Variants in ILDR1 observed in about 807,000 individuals in gnomAD.
ILDR1 encodes immunoglobulin like domain containing receptor 1, also known as immunoglobulin-like domain-containing receptor 1.
In ILDR1, 56 loss-of-function variants were observed where a neutral mutation model predicts 62.4. That is an observed-to-expected ratio of 0.90 (90% confidence interval 0.72 to 1.12). The LOEUF (loss-of-function observed/expected upper bound fraction) is 1.12, where lower values mean the gene tolerates loss of function less well. Ranked by LOEUF, ILDR1 falls within the 50% of genes most tolerant of loss-of-function variation. The probability of loss-of-function intolerance (pLI) is 0.00; values close to 1 mark genes in which losing one functional copy is unlikely to be tolerated. For missense variants in ILDR1, 736 were observed against 710.6 expected (o/e 1.04, Z -0.41); for synonymous variants, 284 against 277.8 (o/e 1.02, Z -0.22).
intron 2 of ILDR1, among the ~76,000 whole-genome samples, chr3:122,005,822 C>G (rs1468253926): frequency 1.3e-5 from 2 of 152,028 alleles, no homozygotes; most frequent in African/African-American, 2.4e-5. Context: ...TCACTTGAAC[C>G]CAGGAGGCAG....
chr3:122,029,310 C>T, the ILDR1 span, among the ~76,000 whole-genome samples: 7,453 of 151,922 alleles, frequency 0.049, 416 homozygotes, highest in African/African-American at 0.14. Flanking sequence ...AGTTCATGAA[C>T]GGCCTGGCCA....
the ILDR1 span, among the ~76,000 whole-genome samples, chr3:122,029,011 C>G: frequency 6.6e-6 from 1 of 152,112 alleles, no homozygotes; most frequent in South Asian, 2.1e-4. Flanking sequence ...AATAGACAAA[C>G]AGAGTGGTGT....
the ILDR1 span, among the ~76,000 whole-genome samples, chr3:122,038,961 A>T: frequency 6.6e-6 from 1 of 152,106 alleles, no homozygotes; most frequent in Non-Finnish European, 1.5e-5. Context: ...GTGTAAAATT[A>T]TTAATTGCCA....
intron 1 of ILDR1, among the ~76,000 whole-genome samples, chr3:122,018,016 A>T (rs2071800818): frequency 6.6e-6 from 1 of 152,204 alleles, no homozygotes; most frequent in South Asian, 2.1e-4. Context: ...TAGAAATACC[A>T]TTTGACCCAG....
At chr3:121,995,720 C>T (rs2071426416) in intron 5 of ILDR1, among the ~76,000 whole-genome samples, 1 of 152,196 alleles carries the variant, frequency 6.6e-6, no homozygotes, top group African/African-American at 2.4e-5. Flanking sequence ...CTCTCCCTAG[C>T]TCCCTCTTCT....
chr3:122,009,890 C>T (rs952077963), intron 1 of ILDR1, among the ~76,000 whole-genome samples: 2 of 152,208 alleles, frequency 1.3e-5, no homozygotes, highest in Non-Finnish European at 2.9e-5. Flanking sequence ...GAATGCTGCT[C>T]AGGACAGGCA....
At position 122,022,195 on chromosome 3, in the gene ILDR1, C is replaced by T. The variant is rs1291636748; in HGVS notation, c.-118G>A. ...AAGGAACCCCTCGGGTTTCCCCTCC[C>T]TCGGCGCAGCGGGGAGGGAGCGTCC... On this transcript the variant is annotated 5_prime_UTR_variant, in exon 1 of 8. Coordinates refer to ENST00000344209, the MANE Select transcript of ILDR1 (RefSeq NM_001199799.2). The T allele has an allele frequency of 1.1e-6, 1 of 901,870 alleles. No homozygotes were observed. Among genetic ancestry groups the T allele is most frequent in the Non-Finnish European group, 1.7e-6 (1 of 593,770 alleles). The allele number at this position is 901,870 out of a possible 1,614,324, so 55.9% of individuals were successfully genotyped here.
chr3:122,010,114 T>C (rs1008280557), intron 1 of ILDR1, among the ~76,000 whole-genome samples: 2 of 134,326 alleles, frequency 1.5e-5, no homozygotes, highest in African/African-American at 5.0e-5. Flanking sequence ...AACTCATTGT[T>C]TCAGTAAGCA....
the ILDR1 span, among the ~76,000 whole-genome samples, chr3:122,028,420 G>A: frequency 6.6e-6 from 1 of 151,096 alleles, no homozygotes; most frequent in African/African-American, 2.4e-5. Flanking sequence ...GAAGTATTGT[G>A]TGAAAGGAAA....
At chr3:122,011,830 C>T (rs1469363322) in intron 1 of ILDR1, among the ~76,000 whole-genome samples, 6 of 151,982 alleles carry the variant, frequency 3.9e-5, no homozygotes, top group Admixed American at 3.3e-4. Context: ...TCTCACAAAC[C>T]CCCTCAGCTA....
intron 1 of ILDR1, among the ~76,000 whole-genome samples, chr3:122,014,731 A>G (rs909188637): frequency 6.6e-6 from 1 of 152,252 alleles, no homozygotes; most frequent in Non-Finnish European, 1.5e-5. Context: ...ATGTTTCACC[A>G]CAACCTATTC....
At chr3:121,998,273 A>G (rs895508581) in intron 5 of ILDR1, among the ~76,000 whole-genome samples, 8 of 152,134 alleles carry the variant, frequency 5.3e-5, no homozygotes, top group African/African-American at 1.9e-4. Context: ...CACTTTACTC[A>G]TTTGATATTA....
intron 1 of ILDR1, among the ~76,000 whole-genome samples, chr3:122,011,517 T>C (rs749406231): frequency 6.6e-6 from 1 of 152,056 alleles, no homozygotes; most frequent in Non-Finnish European, 1.5e-5. Flanking sequence ...CCTGTGTGAA[T>C]ATCAAGCCTT....
intron 5 of ILDR1, among the ~76,000 whole-genome samples, chr3:121,996,472 C>T (rs9868257): frequency 0.36 from 55,394 of 152,002 alleles, 10,936 homozygotes; most frequent in East Asian, 0.7. Context: ...TTTTCTCTTG[C>T]GTGCCTTCCC....
chr3:122,003,829 C>T (rs2071564537), intron 3 of ILDR1, among the ~76,000 whole-genome samples: 1 of 152,072 alleles, frequency 6.6e-6, no homozygotes, highest in Non-Finnish European at 1.5e-5. Context: ...ATGGGGATTT[C>T]CATCCTTCAG....
At chr3:121,994,890 C>T (rs753706904) in intron 5 of ILDR1, among the ~76,000 whole-genome samples, 4 of 152,152 alleles carry the variant, frequency 2.6e-5, no homozygotes, top group East Asian at 1.9e-4. Context: ...AAGGCAAGGG[C>T]GTGCAAAAAG....
At chr3:122,023,010 C>A (rs1009163922), upstream of ILDR1, among the ~76,000 whole-genome samples, 4 of 150,584 alleles carry the variant, frequency 2.7e-5, no homozygotes, top group African/African-American at 9.7e-5. Flanking sequence ...CAAGTTTCTA[C>A]AACTATAAAA....
chr3:121,999,227 A>G (rs910797469), intron 5 of ILDR1, among the ~76,000 whole-genome samples: 1 of 152,236 alleles, frequency 6.6e-6, no homozygotes, highest in Admixed American at 6.5e-5. Context: ...CAAATGGATC[A>G]AACTGATAAA....
At chr3:122,007,917 T>C (rs1352496179) in intron 1 of ILDR1, among the ~76,000 whole-genome samples, 1 of 152,188 alleles carries the variant, frequency 6.6e-6, no homozygotes, top group East Asian at 1.9e-4. Context: ...TTTTCCTAAG[T>C]GCGCCAACCT....
Sources: allele counts gnomAD v4.1 joint callset (sites outside exome capture counted in the v4.1 genomes callset), GRCh38; gene constraint gnomAD v4.1.1; transcripts MANE v1.5; gene names NCBI Gene and HGNC (gene_info 2026-07-23, HGNC 2026-07-21).